Variants in PARVA observed in about 807,000 individuals in gnomAD.
PARVA encodes the protein alpha-parvin.
Under a neutral mutation model 52.6 loss-of-function variants are expected in PARVA, and 25 were observed. The ratio of observed to expected loss-of-function variants is 0.48; its 90% CI spans 0.35 to 0.66. PARVA has a LOEUF of 0.66. Among genes scored for constraint, PARVA ranks in the 30% least tolerant of loss-of-function variants. The pLI is 0.01. For synonymous variants in PARVA, 185 were observed against 179.1 expected, an observed-to-expected ratio of 1.03 and a Z score of -0.26; for missense variants, 373 against 450.9, an observed-to-expected ratio of 0.83 and a Z score of 1.56.
At chr11:12,403,166 G>A (rs905454738) in intron 1 of PARVA, among the ~76,000 whole-genome samples, 5 of 152,194 alleles carry the variant, frequency 3.3e-5, no homozygotes, top group Non-Finnish European at 5.9e-5. Flanking sequence ...AGGCTTCATT[G>A]TGAAACCCCT....
intron 1 of PARVA, among the ~76,000 whole-genome samples, chr11:12,459,456 G>C (rs759163365): frequency 1.3e-5 from 2 of 151,744 alleles, no homozygotes; most frequent in African/African-American, 2.4e-5. Context: ...AGAAAATAGC[G>C]TGTGCCCTAA....
intron 1 of PARVA, among the ~76,000 whole-genome samples, chr11:12,461,141 C>G (rs1316425854): frequency 6.6e-6 from 1 of 152,194 alleles, no homozygotes; most frequent in Non-Finnish European, 1.5e-5. Context: ...CCAACTAGCT[C>G]TGGAAGGCAG....
intron 12 of PARVA, among the ~76,000 whole-genome samples, chr11:12,527,627 G>A (rs1328981555): frequency 3.3e-5 from 5 of 152,150 alleles, no homozygotes; most frequent in Admixed American, 6.5e-5. Flanking sequence ...GACAGGTGGG[G>A]ATTGTGGGGA....
At position 12,527,830 on chromosome 11, in the gene PARVA, T is replaced by C. The variant is rs772998921; in HGVS notation, c.1043-19T>C. Reference sequence around the variant, plus strand: ...TGTGGCCCCATGGAAACAATTGGTGTTTTTTGTTTTCTACGCAGACATAGT... The same window carrying C: ...TGTGGCCCCATGGAAACAATTGGTGCTTTTTGTTTTCTACGCAGACATAGT... On this transcript the variant is annotated intron_variant, in intron 12 of 12. Transcript: ENST00000334956. The C allele has an allele frequency of 1.3e-6, 2 of 1,599,304 alleles. No individual in the cohort carries two copies. The highest frequency in any genetic ancestry group is 1.1e-5 in the South Asian group (1 of 90,792).
intron 1 of PARVA, among the ~76,000 whole-genome samples, chr11:12,433,015 T>C (rs1940336435): frequency 6.6e-6 from 1 of 152,226 alleles, no homozygotes; most frequent in Non-Finnish European, 1.5e-5. Context: ...TTGAATTGTT[T>C]TGAATCGTTT....
chr11:12,502,410 A>AT (rs11402267), intron 5 of PARVA, among the ~76,000 whole-genome samples: 39,758 of 149,896 alleles, frequency 0.27, 5,450 homozygotes, highest in Middle Eastern at 0.35. Context: ...CAAAATAGGC[A>AT]TTTTTTTTTT....
rs986593900 is a variant in PARVA, at chr11:12,529,367, A to G, written c.*1442A>G. On this transcript the variant is annotated 3_prime_UTR_variant, in exon 13 of 13. Transcript: ENST00000334956. ...TGACTAGGGGACGAGAAGCATGGGG[A>G]AAATATTTGCACTCTAAACATACAG... The G allele has an allele frequency of 3.3e-5, 5 of 152,132 alleles. No homozygotes were observed. The highest frequency in any genetic ancestry group is 1.3e-4 in the Admixed American group (2 of 15,276). The allele number at this position is 152,132 out of a possible 1,614,324, so 9.4% of individuals were successfully genotyped here. A position where few individuals can be genotyped will look rare whatever the true frequency, so the allele number is the denominator to read the frequency against.
chr11:12,473,474 T>C (rs918260502), intron 1 of PARVA, among the ~76,000 whole-genome samples: 2 of 152,088 alleles, frequency 1.3e-5, no homozygotes, highest in African/African-American at 4.8e-5. Context: ...CGAAATCTTT[T>C]CTGAGAGGAG....
At chr11:12,465,111 G>A (rs761368281) in intron 1 of PARVA, among the ~76,000 whole-genome samples, 2 of 152,156 alleles carry the variant, frequency 1.3e-5, no homozygotes, top group Non-Finnish European at 2.9e-5. Flanking sequence ...GTACAGCCTA[G>A]TTCCTAACAG....
chr11:12,451,283 C>G (rs1449298882), intron 1 of PARVA, among the ~76,000 whole-genome samples: 1 of 152,162 alleles, frequency 6.6e-6, no homozygotes, highest in Non-Finnish European at 1.5e-5. Flanking sequence ...GAGAGCATCT[C>G]ATCTCTAGCA....
chr11:12,529,557 C>CT lies in PARVA; in HGVS notation c.*1634dup, dbSNP rs1484456486. ...CCCTCCTCCAGAAGTCTGTGACTACCTTGTCACTACTTTAGGCCCATTCCA... is the reference window on the plus strand; with the variant it reads ...CCCTCCTCCAGAAGTCTGTGACTACCTTTGTCACTACTTTAGGCCCATTCCA... On this transcript the variant is annotated 3_prime_UTR_variant, in exon 13 of 13. Coordinates refer to ENST00000334956, the MANE Select transcript of PARVA (RefSeq NM_018222.5). The CT allele has an allele frequency of 6.6e-6, 1 of 152,294 alleles. No homozygotes were observed. Among genetic ancestry groups the CT allele is most frequent in the East Asian group, 1.9e-4 (1 of 5,192 alleles). The allele number at this position is 152,294 out of a possible 1,614,324, so 9.4% of individuals were successfully genotyped here. A position where few individuals can be genotyped will look rare whatever the true frequency, so the allele number is the denominator to read the frequency against.
intron 1 of PARVA, among the ~76,000 whole-genome samples, chr11:12,450,660 G>A (rs1343317142): frequency 6.6e-6 from 1 of 152,178 alleles, no homozygotes; most frequent in Non-Finnish European, 1.5e-5. Context: ...GAGGAGCAAG[G>A]AAGCCAGTGG....
chr11:12,483,370 C>A (rs572559201), intron 4 of PARVA, among the ~76,000 whole-genome samples: 1 of 152,232 alleles, frequency 6.6e-6, no homozygotes, highest in East Asian at 1.9e-4. Flanking sequence ...GAGTAGGGCA[C>A]GTAAGAGGGG....
chr11:12,429,812 C>T lies in PARVA; in HGVS notation c.137-43933C>T, dbSNP rs560160941. On this transcript the variant is annotated intron_variant, in intron 1 of 12. Transcript: ENST00000334956. ...ATATAAATAACTCCCACAAGCTTAG[C>T]GTTCCAATAATGGAACACTAGGCAT... Among the ~76,000 whole-genome samples, 10 of 152,252 alleles carry T rather than the reference C, an allele frequency of 6.6e-5. No individual in the cohort carries two copies. The South Asian group carries it at 1.0e-3, about 16-fold the overall frequency.
chr11:12,478,582 C>G (rs1941045250), intron 4 of PARVA: 1 of 169,502 alleles, frequency 5.9e-6, no homozygotes, highest in Non-Finnish European at 1.3e-5. Context: ...CAATCCTTAG[C>G]TGCCCTCTGG....
At chr11:12,443,896 T>C (rs576611874) in intron 1 of PARVA, among the ~76,000 whole-genome samples, 1 of 152,360 alleles carries the variant, frequency 6.6e-6, no homozygotes, top group East Asian at 1.9e-4. Flanking sequence ...TTACCAGTCC[T>C]GTCACCACTT....
intron 12 of PARVA, among the ~76,000 whole-genome samples, chr11:12,526,075 G>A (rs1288048722): frequency 6.6e-6 from 1 of 152,166 alleles, no homozygotes; most frequent in Non-Finnish European, 1.5e-5. Context: ...GCACAGGCAG[G>A]AGCGGGCACA....
intron 4 of PARVA, 66 bp from the exon 5 acceptor site, chr11:12,496,392 G>C: frequency 7.9e-7 from 1 of 1,262,526 alleles, no homozygotes. Context: ...AACTGAGTAA[G>C]TGCATGCAGT....
rs867172242 is a variant in PARVA at position 12,534,734 on chromosome 11, T to C, written c.*6809T>C. Reference sequence around the variant, plus strand: ...ATGTTTGCTCTGTGTGGAGCCAGGGTTGGGGCTGCACAACTCTCTGGCTGC... The same window carrying C: ...ATGTTTGCTCTGTGTGGAGCCAGGGCTGGGGCTGCACAACTCTCTGGCTGC... On this transcript the variant is annotated 3_prime_UTR_variant, in exon 13 of 13. Coordinates refer to ENST00000334956, the MANE Select transcript of PARVA (RefSeq NM_018222.5). Among the ~76,000 whole-genome samples, 21 of 152,236 alleles carry C rather than the reference T, an allele frequency of 1.4e-4. No individual in the cohort carries two copies. In the Middle Eastern group the frequency reaches 0.01, roughly 74 times the overall value.
Sources: allele counts gnomAD v4.1 joint callset (sites outside exome capture counted in the v4.1 genomes callset), GRCh38; gene constraint gnomAD v4.1.1; transcripts MANE v1.5; gene names NCBI Gene and HGNC (gene_info 2026-07-23, HGNC 2026-07-21).